ADCY9: variants seen among roughly 807,000 people sequenced by gnomAD.
ADCY9 encodes the protein adenylate cyclase type 9.
ADCY9 carries 50 observed loss-of-function variants against 101.5 expected under a neutral mutation model. The ratio of observed to expected loss-of-function variants is 0.49; its 90% CI spans 0.39 to 0.62. The LOEUF (loss-of-function observed/expected upper bound fraction) is 0.62, where lower values mean the gene tolerates loss of function less well. ADCY9 is among the 20% of genes least tolerant of loss of function. ADCY9 has a pLI of 0.00. For synonymous variants in ADCY9, 905 were observed against 769.3 expected, an observed-to-expected ratio of 1.18 and a Z score of -2.92; for missense variants, 1,662 against 1,800.4, an observed-to-expected ratio of 0.92 and a Z score of 1.39.
rs1489121445 is a variant in ADCY9, at chr16:4,114,730, A to G, written c.713T>C (p.Met238Thr). 2.5e-6 allele frequency: 4 copies of G among 1,613,074 alleles called. No individual in the cohort carries two copies. The highest frequency in any genetic ancestry group is 2.2e-5 in the South Asian group (2 of 91,096). ...IEVLFLLYTV[M>T]HLPLYLSLCL... ...CAAACTCAGGTACAAAGGTAAGTGC[A>G]TGACGGTATAGAGCAAAAAGAGCAC... is the stretch of plus-strand genomic sequence containing the variant. Residue 238 changes from methionine (M) to threonine (T), a missense_variant, in exon 2 of 11, where the codon ATG becomes ACG. Met to Thr is a moderately conservative substitution (Grantham distance 81, BLOSUM62 -1). Coordinates refer to ENST00000294016, the MANE Select transcript of ADCY9 (RefSeq NM_001116.4). The surrounding 1 kb of genome is among the most constrained non-coding windows in gnomAD (Gnocchi z 4.3).
intron 2 of ADCY9, among the ~76,000 whole-genome samples, chr16:4,038,510 T>C (rs932530019): frequency 2.6e-5 from 4 of 152,140 alleles, no homozygotes; most frequent in African/African-American, 9.7e-5. Context: ...CCTCCAGAAC[T>C]GCCTCCAGAA....
rs1437836568 is a variant in ADCY9, at chr16:3,969,615, T to A, written c.2871-2649A>T. Among the ~76,000 whole-genome samples the A allele has an allele frequency of 1.0e-4, 9 of 88,418 alleles. 1 individual carries two copies. Among genetic ancestry groups the A allele is most frequent in the African/African-American group, 5.6e-4 (8 of 14,212 alleles). 58.0% of individuals were successfully genotyped at this position (88,418 alleles called of 152,430 possible). On this transcript the variant is annotated intron_variant, in intron 10 of 10. Coordinates refer to ENST00000294016, the MANE Select transcript of ADCY9 (RefSeq NM_001116.4). ...ATATATATATATATATATATGTATT[T>A]TTTTTTTTTTTTAAGAAGAGACAGG...
At position 3,963,162 on chromosome 16, in the gene ADCY9, G is replaced by T; in HGVS notation, c.*2613C>A. The T allele has an allele frequency of 3.7e-6, 1 of 269,994 alleles. No individual in the cohort carries two copies. Among genetic ancestry groups the T allele is most frequent in the Non-Finnish European group, 6.5e-6 (1 of 153,772 alleles). The allele number at this position is 269,994 out of a possible 1,614,324, so 16.7% of individuals were successfully genotyped here. A position where few individuals can be genotyped will look rare whatever the true frequency, so the allele number is the denominator to read the frequency against. ...TATATATGGATATATAATTCGATCT[G>T]AGCTGGGACTGAGAAGAAAATAGCA... On this transcript the variant is annotated 3_prime_UTR_variant, in exon 11 of 11. Coordinates refer to ENST00000294016, the MANE Select transcript of ADCY9 (RefSeq NM_001116.4).
intron 2 of ADCY9, among the ~76,000 whole-genome samples, chr16:4,111,681 A>G (rs2057114807): frequency 6.6e-6 from 1 of 152,150 alleles, no homozygotes; most frequent in Admixed American, 6.6e-5. Context: ...AAAGGAAAGA[A>G]TATCACTTTT....
Position 4,007,621 on chromosome 16 carries a change from C to T in ADCY9, c.1694-63G>A, listed in dbSNP as rs1455492547. The T allele has an allele frequency of 1.1e-5, 15 of 1,408,216 alleles. No homozygotes were observed. The Admixed American group carries it at 1.1e-4, about 10-fold the overall frequency. The allele number at this position is 1,408,216 out of a possible 1,614,324, so 87.2% of individuals were successfully genotyped here. On this transcript the variant is annotated intron_variant, in intron 2 of 10. Transcript: ENST00000294016. ...AGCACCGTCTGTTGAAACGCAGCTC[C>T]GTCTTGCTCTCTGGAGAGGACTCAC... is the stretch of plus-strand genomic sequence containing the variant.
rs1321248873 is a variant in ADCY9, at chr16:4,055,343, G to A, written c.1694-47785C>T. 2.0e-5 allele frequency among the ~76,000 whole-genome samples: 3 copies of A among 152,136 alleles called. No individual in the cohort carries two copies. The East Asian group carries it at 5.8e-4, about 29-fold the overall frequency. ...AGGTCAGGAGTTCAAGACCAACCTG[G>A]CCAACATGGTGAAACCCTGTCTCTA... On this transcript the variant is annotated intron_variant, in intron 2 of 10. Coordinates refer to ENST00000294016, the MANE Select transcript of ADCY9 (RefSeq NM_001116.4).
At chr16:4,072,613 T>A (rs755008571) in intron 2 of ADCY9, among the ~76,000 whole-genome samples, 1 of 151,874 alleles carries the variant, frequency 6.6e-6, no homozygotes, top group Admixed American at 6.6e-5. Context: ...TAAATGTTTC[T>A]AAGAAAAAAG....
chr16:4,114,723 T>C lies in ADCY9; in HGVS notation c.720A>G (p.Leu240=). 6.2e-7 allele frequency: 1 copy of C among 1,613,026 alleles called. No individual in the cohort carries two copies. Among genetic ancestry groups the C allele is most frequent in the Non-Finnish European group, 8.5e-7 (1 of 1,180,024 alleles). Residue 240 remains leucine, a synonymous_variant, in exon 2 of 11, where the codon TTA becomes TTG. Coordinates refer to ENST00000294016, the MANE Select transcript of ADCY9 (RefSeq NM_001116.4). The surrounding 1 kb of genome is among the most constrained non-coding windows in gnomAD (Gnocchi z 4.3). Reference sequence around the variant, plus strand: ...CCAGACACAAACTCAGGTACAAAGGTAAGTGCATGACGGTATAGAGCAAAA... The same window carrying C: ...CCAGACACAAACTCAGGTACAAAGGCAAGTGCATGACGGTATAGAGCAAAA... ...VLFLLYTVMH[L]PLYLSLCLGV... is the part of the protein sequence containing the mutation.
intron 2 of ADCY9, among the ~76,000 whole-genome samples, chr16:4,088,107 G>A (rs1248755832): frequency 6.6e-6 from 1 of 151,604 alleles, no homozygotes; most frequent in Non-Finnish European, 1.5e-5. Context: ...CAGATACCTT[G>A]ATCTCATGGA....
chr16:3,988,893 C>T (rs1037426793), intron 6 of ADCY9, 101 bp downstream of exon 6: 19 of 880,998 alleles, frequency 2.2e-5, no homozygotes, highest in Admixed American at 7.5e-5. Flanking sequence ...TGTTCGCCTT[C>T]GTGTTCCCAT....
At chr16:4,097,553 A>ATATATATATATATATTTTT (rs1382458827) in intron 2 of ADCY9, among the ~76,000 whole-genome samples, 1 of 53,416 alleles carries the variant, frequency 1.9e-5, no homozygotes, top group African/African-American at 8.6e-5. Context: ...ATATATATAT[A>ATATATATATATATATTTTT]TTTTTTTTTT....
chr16:4,068,138 C>T lies in ADCY9; in HGVS notation c.1693+45612G>A, dbSNP rs548810814. 5.3e-5 allele frequency among the ~76,000 whole-genome samples: 8 copies of T among 152,028 alleles called. 1 individual carries two copies. In the South Asian group the frequency reaches 1.7e-3, roughly 32 times the overall value. On this transcript the variant is annotated intron_variant, in intron 2 of 10. Transcript: ENST00000294016. ...TGCATAGAACATGATATTCTCATAC[C>T]CAGACAAGCTCATATCCCACCTGCA... is the stretch of plus-strand genomic sequence containing the variant.
chr16:4,087,738 C>T (rs932617287), intron 2 of ADCY9, among the ~76,000 whole-genome samples: 7 of 151,980 alleles, frequency 4.6e-5, no homozygotes, highest in Admixed American at 1.3e-4. Flanking sequence ...TCGGATACTA[C>T]AGTCCTGAAG....
At chr16:4,083,431 C>T (rs2056918021) in intron 2 of ADCY9, among the ~76,000 whole-genome samples, 1 of 152,154 alleles carries the variant, frequency 6.6e-6, no homozygotes, top group African/African-American at 2.4e-5. Flanking sequence ...GGCATAGCCA[C>T]TTTAAAACAA....
Position 3,966,858 on chromosome 16 carries a change from G to C in ADCY9, c.2979C>G (p.Val993=). ...CTTCAAATTCGCGATTCAGGAACCAGACCAACAAGAGCAGGAGAAAGAAGA... is the reference window on the plus strand; with the variant it reads ...CTTCAAATTCGCGATTCAGGAACCACACCAACAAGAGCAGGAGAAAGAAGA... ...VLVFFLLLLL[V]WFLNREFEVS... Residue 993 remains valine, a synonymous_variant, in exon 11 of 11, where the codon GTC becomes GTG. Transcript: ENST00000294016. 1 of 1,614,226 alleles carries C rather than the reference G, an allele frequency of 6.2e-7. No homozygotes were observed. Among genetic ancestry groups the C allele is most frequent in the Non-Finnish European group, 8.5e-7 (1 of 1,180,052 alleles).
chr16:4,050,017 T>G (rs1302082042), intron 2 of ADCY9, among the ~76,000 whole-genome samples: 4 of 145,500 alleles, frequency 2.7e-5, no homozygotes, highest in Non-Finnish European at 4.5e-5. Flanking sequence ...GGTGACAGAG[T>G]GAGACTGTGT....
intron 2 of ADCY9, among the ~76,000 whole-genome samples, chr16:4,058,903 G>A (rs1486201985): frequency 6.6e-6 from 1 of 152,104 alleles, no homozygotes; most frequent in Non-Finnish European, 1.5e-5. Context: ...AGGGGTAAAG[G>A]AACTTTGGTA....
At chr16:4,087,543 TAAAA>T (rs55706713) in intron 2 of ADCY9, among the ~76,000 whole-genome samples, 4 of 118,152 alleles carry the variant, frequency 3.4e-5, no homozygotes, top group African/African-American at 6.5e-5. Flanking sequence ...CTCAAAAAGA[TAAAA>T]AAAAAAAAAA....
At chr16:4,032,578 C>A (rs1340156097) in intron 2 of ADCY9, among the ~76,000 whole-genome samples, 2 of 144,194 alleles carry the variant, frequency 1.4e-5, no homozygotes. Context: ...GGTGAGATCT[C>A]GGCTCACTGC....
Sources: gnomAD v4.1 joint callset for allele counts (sites outside exome capture counted in the v4.1 genomes callset) on GRCh38, gnomAD v4.1.1 for gene constraint, Gnocchi (gnomAD v3.1) non-coding constraint, MANE v1.5 for transcripts, NCBI Gene and HGNC (gene_info 2026-07-23, HGNC 2026-07-21) for gene names.